SDHB: variants seen among roughly 807,000 people sequenced by gnomAD.
SDHB encodes the protein succinate dehydrogenase complex iron sulfur subunit B.
A neutral mutation model predicts 39.7 loss-of-function variants in SDHB; 21 were observed. The ratio of observed to expected loss-of-function variants is 0.53; its 90% CI spans 0.37 to 0.76. The LOEUF is 0.76. Ranked by LOEUF, SDHB falls within the 30% of genes least tolerant of loss-of-function variation. SDHB has a pLI of 0.00. For synonymous variants in SDHB, 118 were observed against 117.0 expected, an observed-to-expected ratio of 1.01 and a Z score of -0.06; for missense variants, 343 against 350.9, an observed-to-expected ratio of 0.98 and a Z score of 0.18.
At chr1:17,050,295 C>T (rs2295060) in intron 1 of SDHB, among the ~76,000 whole-genome samples, 63,920 of 151,768 alleles carry the variant, frequency 0.42, 15,110 homozygotes, top group Non-Finnish European at 0.54. Context: ...TGGAGTGCCC[C>T]AAAATGTCAT....
chr1:17,038,495 A>G (rs1487583577), intron 2 of SDHB, among the ~76,000 whole-genome samples: 2 of 152,220 alleles, frequency 1.3e-5, no homozygotes, highest in African/African-American at 4.8e-5. Flanking sequence ...CAATCATGTT[A>G]CCTGTGACTA....
chr1:17,053,935 C>A lies in SDHB; in HGVS notation c.72+13G>T, dbSNP rs780490295. The A allele has an allele frequency of 6.2e-7, 1 of 1,608,974 alleles. No individual in the cohort carries two copies. Among genetic ancestry groups the A allele is most frequent in the Non-Finnish European group, 8.5e-7 (1 of 1,176,308 alleles). ...TTTCCTGACTTTTCCCTCTCTGAGG[C>A]TCCAGGACTCACCTGCAGGCAGGCT... On this transcript the variant is annotated intron_variant, in intron 1 of 7. Coordinates refer to ENST00000375499, the MANE Select transcript of SDHB (RefSeq NM_003000.3).
intron 3 of SDHB, among the ~76,000 whole-genome samples, chr1:17,032,243 G>A (rs938709582): frequency 4.7e-5 from 7 of 148,670 alleles, no homozygotes; most frequent in African/African-American, 1.5e-4. Context: ...CTATTGCCCA[G>A]GCTGGAGTGC....
intron 3 of SDHB, among the ~76,000 whole-genome samples, chr1:17,030,438 A>G (rs904578931): frequency 1.3e-5 from 2 of 152,158 alleles, no homozygotes; most frequent in Non-Finnish European, 2.9e-5. Context: ...CAAAGAGGAG[A>G]AGAATGAACT....
rs151112583 is a variant in SDHB, at chr1:17,038,389, C to A, written c.201-5244G>T. On this transcript the variant is annotated intron_variant, in intron 2 of 7. Transcript: ENST00000375499. ...GTAGCCATTGAAATACACACACACA[C>A]AAATAGTATTTTGCATATTGACCTT... 4.8e-3 allele frequency among the ~76,000 whole-genome samples: 734 copies of A among 152,322 alleles called. 5 individuals are homozygous for A. Among genetic ancestry groups the A allele is most frequent in the African/African-American group, 0.016 (671 of 41,566 alleles).
chr1:17,045,824 G>A (rs2078106785), intron 1 of SDHB, among the ~76,000 whole-genome samples: 1 of 152,114 alleles, frequency 6.6e-6, no homozygotes, highest in African/African-American at 2.4e-5. Flanking sequence ...TTTGCATAGG[G>A]TGTAACTAAT....
intron 3 of SDHB, among the ~76,000 whole-genome samples, chr1:17,029,889 A>G (rs1235928282): frequency 6.6e-6 from 1 of 152,202 alleles, no homozygotes; most frequent in Non-Finnish European, 1.5e-5. Flanking sequence ...ACATGCCGCC[A>G]TGTGCGGCGA....
At position 17,044,877 on chromosome 1, in the gene SDHB, T is replaced by C. The variant is rs1337602604; in HGVS notation, c.84A>G (p.Gly28=). Residue 28 remains glycine, a synonymous_variant, in exon 2 of 8, where the codon GGA becomes GGG. Transcript: ENST00000375499. ...GAGCTGTGGCTGCAGCTGTCTGGGC[T>C]CCTCGGGAGGCCTGAAATTTTTTAA... is the stretch of plus-strand genomic sequence containing the variant. ...LGGACLQASR[G]AQTAAATAPR... is the part of the protein sequence containing the mutation. The C allele has an allele frequency of 1.2e-6, 2 of 1,613,708 alleles. No homozygotes were observed. Among genetic ancestry groups the C allele is most frequent in the African/African-American group, 2.7e-5 (2 of 74,864 alleles).
intron 3 of SDHB, among the ~76,000 whole-genome samples, chr1:17,031,359 A>T (rs1244358594): frequency 6.7e-6 from 1 of 150,196 alleles, no homozygotes; most frequent in Non-Finnish European, 1.5e-5. Context: ...GATGGGAATT[A>T]AAAAAAAAAT....
intron 2 of SDHB, among the ~76,000 whole-genome samples, chr1:17,038,080 G>A (rs1275595581): frequency 1.3e-5 from 2 of 151,996 alleles, no homozygotes; most frequent in Non-Finnish European, 1.5e-5. Flanking sequence ...CGGAGGTTGC[G>A]GTGAGCCAAG....
chr1:17,039,569 T>C (rs796830380), intron 2 of SDHB, among the ~76,000 whole-genome samples: 3 of 152,068 alleles, frequency 2.0e-5, no homozygotes, highest in African/African-American at 7.2e-5. Flanking sequence ...TAGTGAGCCA[T>C]GATTGTGCTA....
intron 3 of SDHB, among the ~76,000 whole-genome samples, chr1:17,029,006 G>A (rs1250619946): frequency 6.6e-6 from 1 of 151,668 alleles, no homozygotes; most frequent in Admixed American, 6.6e-5. Flanking sequence ...ACTGGAGGAG[G>A]CCAGAGGCCT....
At chr1:17,049,893 C>G (rs1191784168) in intron 1 of SDHB, among the ~76,000 whole-genome samples, 1 of 151,848 alleles carries the variant, frequency 6.6e-6, no homozygotes, top group Non-Finnish European at 1.5e-5. Context: ...GATCCACCTG[C>G]CTCAGCCTCC....
intron 2 of SDHB, among the ~76,000 whole-genome samples, chr1:17,033,466 A>C (rs2078034052): frequency 6.6e-6 from 1 of 152,214 alleles, no homozygotes; most frequent in Non-Finnish European, 1.5e-5. Flanking sequence ...TTTTCCAAAT[A>C]ATTTATTTCA....
chr1:17,027,416 A>G (rs1487385690), intron 5 of SDHB, among the ~76,000 whole-genome samples: 1 of 152,230 alleles, frequency 6.6e-6, no homozygotes, highest in Non-Finnish European at 1.5e-5. Context: ...TTTTGCCCCC[A>G]GTGAGGGAAC....
rs2077994838 is a variant in SDHB, at chr1:17,027,048, C to T, written c.540+701G>A. The stretch of plus-strand genomic sequence containing the variant: ...AAGAAGACACAGCCATTGCCCTTGG[C>T]CCTGTGCAGACCTGCAGGTGGGGCT... On this transcript the variant is annotated intron_variant, in intron 5 of 7. Coordinates refer to ENST00000375499, the MANE Select transcript of SDHB (RefSeq NM_003000.3). 2.0e-5 allele frequency among the ~76,000 whole-genome samples: 3 copies of T among 152,228 alleles called. 1 individual carries two copies. Among genetic ancestry groups the T allele is most frequent in the Admixed American group, 6.5e-5 (1 of 15,280 alleles).
chr1:17,040,475 T>C lies in SDHB; in HGVS notation c.200+4286A>G, dbSNP rs536816696. Among the ~76,000 whole-genome samples the C allele has an allele frequency of 2.0e-5, 3 of 152,270 alleles. No individual in the cohort carries two copies. The East Asian group carries it at 5.8e-4, about 29-fold the overall frequency. ...TTACATCCATCCATCCACTCACCCA[T>C]GCATGGTCTTACTCTGCTGCCCAGG... On this transcript the variant is annotated intron_variant, in intron 2 of 7. Transcript: ENST00000375499.
chr1:17,053,966 A>C lies in SDHB; in HGVS notation c.54T>G (p.Leu18=), dbSNP rs759446168. ...GACTCACCTGCAGGCAGGCTCCGCC[A>C]AGGGTTGTGGCCGGCAACCGGCGCC... ...SLRRRLPATT[L]GGACLQASRG... The change falls in exon 1 of 8, where the codon CTT becomes CTG. Residue 18 remains leucine, a synonymous_variant. Coordinates refer to ENST00000375499, the MANE Select transcript of SDHB (RefSeq NM_003000.3). 8 of 1,612,976 alleles carry C rather than the reference A, an allele frequency of 5.0e-6. No individual in the cohort carries two copies. The South Asian group carries it at 8.8e-5, about 18-fold the overall frequency.
intron 2 of SDHB, 123 bp from the exon 3 acceptor site, chr1:17,033,268 G>C: frequency 1.3e-6 from 1 of 794,426 alleles, no homozygotes; most frequent in South Asian, 1.5e-5. Flanking sequence ...GGTCACCTTC[G>C]GAATTTGTTC....
Sources: allele counts gnomAD v4.1 joint callset (sites outside exome capture counted in the v4.1 genomes callset), GRCh38; gene constraint gnomAD v4.1.1; transcripts MANE v1.5; gene names NCBI Gene and HGNC (gene_info 2026-07-23, HGNC 2026-07-21).